The following HELQ variants were observed in gnomAD, a reference collection of about 807,000 sequenced individuals.
HELQ encodes helicase, POLQ like.
A neutral mutation model predicts 111.6 loss-of-function variants in HELQ; 77 were observed. The observed-to-expected ratio is 0.69, with a 90% CI of 0.57 to 0.83. HELQ has a LOEUF of 0.83. Ranked by LOEUF, HELQ falls within the 40% of genes least tolerant of loss-of-function variation. The pLI, the probability that HELQ is intolerant of heterozygous loss-of-function variation, is 0.00. For synonymous variants in HELQ, 438 were observed against 454.7 expected, an observed-to-expected ratio of 0.96 and a Z score of 0.47; for missense variants, 1,200 against 1,288.5, an observed-to-expected ratio of 0.93 and a Z score of 1.05.
At chr4:83,446,375 T>C (rs915919427) in intron 4 of HELQ, among the ~76,000 whole-genome samples, 1 of 152,150 alleles carries the variant, frequency 6.6e-6, no homozygotes, top group Non-Finnish European at 1.5e-5. Context: ...GGCGTGATCC[T>C]AGCTCACTGC....
chr4:83,435,235 G>A (rs542102926), intron 9 of HELQ, among the ~76,000 whole-genome samples: 8 of 152,220 alleles, frequency 5.3e-5, no homozygotes, highest in Admixed American at 3.9e-4. Context: ...GTCAATGCAT[G>A]TAAAGTTGTT....
chr4:83,427,729 A>T lies in HELQ; in HGVS notation c.2519-9T>A. ...AGCTAAATCTATAGTTCCTAAAAGA[A>T]AGATACAAATATTCAATCTTTCACA... On this transcript the variant is annotated splice_polypyrimidine_tract_variant and intron_variant, in intron 12 of 17. Transcript: ENST00000295488. 6.7e-7 allele frequency: 1 copy of T among 1,486,798 alleles called. No homozygotes were observed. The highest frequency in any genetic ancestry group is 9.0e-7 in the Non-Finnish European group (1 of 1,112,616). 92.1% of individuals were successfully genotyped at this position (1,486,798 alleles called of 1,614,324 possible).
Position 83,407,517 on chromosome 4 carries a change from T to A in HELQ, c.3242A>T (p.Glu1081Val). 2 of 1,612,144 alleles carry A rather than the reference T, an allele frequency of 1.2e-6. No homozygotes were observed. The highest frequency in any genetic ancestry group is 1.7e-6 in the Non-Finnish European group (2 of 1,179,496). ...EKAEALQEEV[E>V]ELLRLPSDFP... Reference sequence around the variant, plus strand: ...ATCAGAAGGCAATCTTAGTAACTCTTCTACCTCTTCTTGCAGGGCTTCTGC... The same window carrying A: ...ATCAGAAGGCAATCTTAGTAACTCTACTACCTCTTCTTGCAGGGCTTCTGC... The change falls in exon 18 of 18, where the codon GAA becomes GTA. Residue 1081 changes from glutamate to valine, a missense_variant. Glu to Val is a moderately radical substitution (Grantham distance 121). This residue lies in a region of HELQ where 585 missense variants were observed against 665.3 expected (regional missense o/e 0.88). Coordinates refer to ENST00000295488, the MANE Select transcript of HELQ (RefSeq NM_133636.5).
chr4:83,453,402 T>C lies in HELQ; in HGVS notation c.841A>G (p.Thr281Ala). 6.2e-7 allele frequency: 1 copy of C among 1,605,924 alleles called. No homozygotes were observed. Among genetic ancestry groups the C allele is most frequent in the Non-Finnish European group, 8.5e-7 (1 of 1,177,502 alleles). The change falls in exon 2 of 18, where the codon ACA (threonine) becomes GCA (alanine). Residue 281 changes from threonine (T) to alanine (A), a missense_variant. Thr to Ala is a moderately conservative substitution (Grantham distance 58). Coordinates refer to ENST00000295488, the MANE Select transcript of HELQ (RefSeq NM_133636.5). The stretch of plus-strand genomic sequence containing the variant: ...TGTTTACTTCTAGAAAATATTGGTG[T>C]CTGGGCCTTCGCATTTCCAGTCATG... ...NAMTGNAKAQTPIFSRSKQLK... is the reference protein window; with the variant it reads ...NAMTGNAKAQAPIFSRSKQLK...
intron 7 of HELQ, 149 bp from the exon 8 acceptor site, chr4:83,440,157 A>T (rs1322537870): frequency 1.7e-6 from 1 of 603,212 alleles, no homozygotes; most frequent in East Asian, 3.2e-5. Context: ...AAAAGATGAA[A>T]TCTATATTAA....
intron 13 of HELQ, among the ~76,000 whole-genome samples, chr4:83,426,448 G>A (rs1274925788): frequency 1.3e-5 from 2 of 151,360 alleles, no homozygotes; most frequent in Non-Finnish European, 2.9e-5. Flanking sequence ...AAGTTGAGAA[G>A]AGATGGAGAA....
In HELQ at chr4:83,431,714, C is replaced by A; in HGVS notation, c.2245G>T (p.Glu749Ter). 2.6e-6 allele frequency: 4 copies of A among 1,560,456 alleles called. No individual in the cohort carries two copies. Among genetic ancestry groups the A allele is most frequent in the Non-Finnish European group, 2.6e-6 (3 of 1,152,384 alleles). The change falls in exon 11 of 18, where the codon GAA (glutamate) becomes TAA (stop). Residue 749 changes from glutamate to a stop codon, truncating the protein, a stop_gained. Coordinates refer to ENST00000295488, the MANE Select transcript of HELQ (RefSeq NM_133636.5). LOFTEE classifies it high-confidence loss of function. ...AATGTTTGGATTCCCTTGGTGAATTCCTGAACAAGATGGCTGTAACAGTTT... is the reference window on the plus strand; with the variant it reads ...AATGTTTGGATTCCCTTGGTGAATTACTGAACAAGATGGCTGTAACAGTTT... ...LENCYSHLVQEFTKGIQTLFL... is the reference protein window; with the variant it reads ...LENCYSHLVQ
chr4:83,444,248 T>C (rs554403300), intron 5 of HELQ, among the ~76,000 whole-genome samples: 79 of 152,330 alleles, frequency 5.2e-4, no homozygotes, highest in Middle Eastern at 3.4e-3. Flanking sequence ...TACGAAGAGC[T>C]ATGATATGTT....
chr4:83,420,186 A>C (rs917323576), intron 15 of HELQ, among the ~76,000 whole-genome samples: 1 of 152,250 alleles, frequency 6.6e-6, no homozygotes, highest in African/African-American at 2.4e-5. Flanking sequence ...GGAATTCTGA[A>C]AGCTTATTTT....
chr4:83,439,872 A>G lies in HELQ; in HGVS notation c.1799T>C (p.Phe600Ser), dbSNP rs750031730. Reference sequence around the variant, plus strand: ...AAAAATATTAACATACTTGCTTAAAAATTTGCATATCATTTCTGCTACATT... The same window carrying G: ...AAAAATATTAACATACTTGCTTAAAGATTTGCATATCATTTCTGCTACATT... ...CENVAEMICKFLSKEYLKHKE... is the reference protein window; with the variant it reads ...CENVAEMICKSLSKEYLKHKE... The change falls in exon 8 of 18, where the codon TTT (phenylalanine) becomes TCT (serine). Residue 600 changes from phenylalanine to serine, a missense_variant. Phe to Ser is a radical substitution (Grantham distance 155, BLOSUM62 -2). Coordinates refer to ENST00000295488, the MANE Select transcript of HELQ (RefSeq NM_133636.5). 8.9e-6 allele frequency: 14 copies of G among 1,578,896 alleles called. No individual in the cohort carries two copies. The South Asian group carries it at 1.6e-4, about 18-fold the overall frequency.
Position 83,421,561 on chromosome 4 carries a change from A to C in HELQ, c.2949+2T>G. 2 of 1,608,636 alleles carry C rather than the reference A, an allele frequency of 1.2e-6. No homozygotes were observed. Among genetic ancestry groups the C allele is most frequent in the Non-Finnish European group, 1.7e-6 (2 of 1,176,522 alleles). The stretch of plus-strand genomic sequence containing the variant: ...TACATATCATATATTCAATGAAATT[A>C]CCTCACAGAAATGTAACACACAAGA... On this transcript the variant is annotated splice_donor_variant, in intron 15 of 17. Coordinates refer to ENST00000295488, the MANE Select transcript of HELQ (RefSeq NM_133636.5). LOFTEE classifies it high-confidence loss of function.
chr4:83,410,279 A>C (rs1739017870), intron 17 of HELQ, among the ~76,000 whole-genome samples: 1 of 152,170 alleles, frequency 6.6e-6, no homozygotes, highest in Non-Finnish European at 1.5e-5. Context: ...CTGTGAGGGA[A>C]GGAGAGGAAA....
At chr4:83,447,466 G>A (rs979354280) in intron 3 of HELQ, among the ~76,000 whole-genome samples, 12 of 152,184 alleles carry the variant, frequency 7.9e-5, no homozygotes, top group African/African-American at 2.9e-4. Context: ...AAGGTCACAG[G>A]CAAGACATAC....
At position 83,453,789 on chromosome 4, in the gene HELQ, T is replaced by C. The variant is rs1721542609; in HGVS notation, c.454A>G (p.Ser152Gly). 1.2e-6 allele frequency: 2 copies of C among 1,614,108 alleles called. No individual in the cohort carries two copies. The highest frequency in any genetic ancestry group is 2.7e-5 in the African/African-American group (2 of 74,950). The part of the protein sequence containing the change: ...DFATENLCSE[S>G]IKNKLSITTI... ...GTAATGCTGAGTTTGTTTTTGATACTTTCCGAGCAAAGATTTTCAGTGGCA... is the reference window on the plus strand; with the variant it reads ...GTAATGCTGAGTTTGTTTTTGATACCTTCCGAGCAAAGATTTTCAGTGGCA... Residue 152 changes from serine to glycine, a missense_variant, in exon 2 of 18, where the codon AGT becomes GGT. Ser to Gly is a moderately conservative substitution (Grantham distance 56). Transcript: ENST00000295488.
intron 7 of HELQ, among the ~76,000 whole-genome samples, 161 bp downstream of exon 7, chr4:83,441,144 C>T (rs1032376604): frequency 6.6e-6 from 1 of 152,188 alleles, no homozygotes; most frequent in Non-Finnish European, 1.5e-5. Flanking sequence ...AAACTGGAAA[C>T]GAGCTATCTT....
At chr4:83,450,253 A>AAAAAG (rs1721281928) in intron 2 of HELQ, among the ~76,000 whole-genome samples, 1 of 139,152 alleles carries the variant, frequency 7.2e-6, no homozygotes, top group Admixed American at 7.1e-5. Flanking sequence ...AAAAAAAAAA[A>AAAAAG]AGCAGATCAT....
rs894063711 is a variant in HELQ, at chr4:83,455,547, C to T, written c.147G>A (p.Glu49=). ...CGCCCGCGGTTTTCCGCCTCCTGTT[C>T]TCAGCCACCATTTCCTCCTCCTCTT... ...EGKEEEEMVA[E]NRRRKTAGVL... The change falls in exon 1 of 18, where the codon GAG becomes GAA. Residue 49 remains glutamate, a synonymous_variant. Transcript: ENST00000295488. 1.9e-6 allele frequency: 3 copies of T among 1,613,616 alleles called. No homozygotes were observed. The highest frequency in any genetic ancestry group is 2.5e-6 in the Non-Finnish European group (3 of 1,179,634).
At chr4:83,455,881 C>T, upstream of HELQ, 4 of 763,922 alleles carry the variant, frequency 5.2e-6, no homozygotes, top group Non-Finnish European at 8.7e-6. Flanking sequence ...ATAAGCCTCA[C>T]GTGACCTGCC....
At position 83,421,608 on chromosome 4, in the gene HELQ, GAGA is replaced by G. The variant is rs1451351331; in HGVS notation, c.2901_2903del (p.Leu968del). The G allele has an allele frequency of 3.7e-6, 6 of 1,613,518 alleles. No individual in the cohort carries two copies. The highest frequency in any genetic ancestry group is 3.3e-5 in the Admixed American group (2 of 59,978). Reference sequence around the variant, plus strand: ...AAGATGAGAATGAGGCAGTTCCAGTGAGAAGATTTTGTATATATCCTCGAGGCA... The same window carrying G: ...AAGATGAGAATGAGGCAGTTCCAGTGAGATTTTGTATATATCCTCGAGGCA... On this transcript the variant is annotated inframe_deletion, in exon 15 of 18. Coordinates refer to ENST00000295488, the MANE Select transcript of HELQ (RefSeq NM_133636.5).
Sources: allele counts gnomAD v4.1 joint callset (sites outside exome capture counted in the v4.1 genomes callset), GRCh38; gene constraint gnomAD v4.1.1; regional missense constraint gnomAD v4.1.1; transcripts MANE v1.5; gene names NCBI Gene and HGNC (gene_info 2026-07-23, HGNC 2026-07-21).